The following MYRIP variants were observed in gnomAD, a reference collection of about 807,000 sequenced individuals.
The protein encoded by MYRIP is myosin VIIA and Rab interacting protein, also known as rab effector MyRIP.
In MYRIP, 49 loss-of-function variants were observed where a neutral mutation model predicts 98.0. The ratio of observed to expected loss-of-function variants is 0.50; its 90% CI spans 0.40 to 0.63. The LOEUF is 0.63. MYRIP is among the 30% of genes least tolerant of loss of function. The pLI is 0.00. For missense variants in MYRIP, 1,004 were observed against 1,058.2 expected (o/e 0.95, Z 0.71); for synonymous variants, 404 against 409.5 (o/e 0.99, Z 0.16).
intron 3 of MYRIP, among the ~76,000 whole-genome samples, chr3:40,097,025 T>C (rs1303704013): frequency 6.6e-6 from 1 of 152,204 alleles, no homozygotes; most frequent in Non-Finnish European, 1.5e-5. Context: ...TCTGTTGCCA[T>C]GGAGGCTTTT....
rs548371190 is a variant in MYRIP at position 40,142,720 on chromosome 3, A to G, written c.333-8328A>G. Among the ~76,000 whole-genome samples, 3 of 152,260 alleles carry G rather than the reference A, an allele frequency of 2.0e-5. No individual in the cohort carries two copies. The South Asian group carries it at 6.2e-4, about 32-fold the overall frequency. On this transcript the variant is annotated intron_variant, in intron 3 of 16. Transcript: ENST00000302541. Reference sequence around the variant, plus strand: ...GCAATCTGACTGTCTCAGCCTCCCAAACTGCTGGGATTATAGGTGTGAGCT... The same window carrying G: ...GCAATCTGACTGTCTCAGCCTCCCAGACTGCTGGGATTATAGGTGTGAGCT...
chr3:39,891,691 A>G (rs1943492099), intron 1 of MYRIP, among the ~76,000 whole-genome samples: 2 of 152,148 alleles, frequency 1.3e-5, no homozygotes, highest in African/African-American at 4.8e-5. Context: ...ATTTCCCTAC[A>G]TCTTTGCTAC....
At chr3:40,205,336 A>T (rs2693474) in intron 10 of MYRIP, among the ~76,000 whole-genome samples, 69,575 of 152,046 alleles carry the variant, frequency 0.46, 16,826 homozygotes, top group Non-Finnish European at 0.55. Context: ...GAGTGAACTG[A>T]TCAATGATCT....
chr3:40,244,346 C>T, intron 12 of MYRIP, 100 bp from the exon 13 acceptor site: 1 of 1,036,936 alleles, frequency 9.6e-7, no homozygotes, highest in Non-Finnish European at 1.4e-6. Flanking sequence ...ATGTGAAGTC[C>T]AGTTATCTCA....
chr3:39,829,482 T>C (rs1401000398), intron 1 of MYRIP, among the ~76,000 whole-genome samples: 2 of 152,176 alleles, frequency 1.3e-5, no homozygotes, highest in Non-Finnish European at 2.9e-5. Flanking sequence ...TTCTGTTTTT[T>C]CACTTGTAGT....
chr3:40,015,012 A>G (rs1160610884), intron 2 of MYRIP, among the ~76,000 whole-genome samples: 2 of 152,118 alleles, frequency 1.3e-5, no homozygotes. Context: ...GTGATCTTTT[A>G]GCAAAGTCCA....
At chr3:39,981,159 C>A (rs934194107) in intron 2 of MYRIP, among the ~76,000 whole-genome samples, 3 of 152,162 alleles carry the variant, frequency 2.0e-5, no homozygotes, top group Non-Finnish European at 2.9e-5. Context: ...AAACCTCTTG[C>A]CTTTACCAAA....
intron 13 of MYRIP, among the ~76,000 whole-genome samples, chr3:40,244,903 C>T (rs1953140899): frequency 1.3e-5 from 2 of 152,176 alleles, no homozygotes; most frequent in Non-Finnish European, 2.9e-5. Context: ...TACAGGTTTC[C>T]ATTCCACTCC....
chr3:40,233,489 A>C (rs1472584535), intron 11 of MYRIP, among the ~76,000 whole-genome samples: 1 of 152,176 alleles, frequency 6.6e-6, no homozygotes, highest in Non-Finnish European at 1.5e-5. Context: ...ACTGGACCAC[A>C]CTTCAGTCTG....
At chr3:39,990,995 G>A (rs1367100362) in intron 2 of MYRIP, among the ~76,000 whole-genome samples, 2 of 152,130 alleles carry the variant, frequency 1.3e-5, no homozygotes, top group African/African-American at 2.4e-5. Context: ...ACTGGGGCCT[G>A]TCGGGGAGTG....
At chr3:39,977,325 A>T (rs200959178) in intron 2 of MYRIP, among the ~76,000 whole-genome samples, 1 of 152,142 alleles carries the variant, frequency 6.6e-6, no homozygotes, top group Non-Finnish European at 1.5e-5. Flanking sequence ...CTCAGAGCAG[A>T]TCTCTTGGGA....
intron 1 of MYRIP, among the ~76,000 whole-genome samples, chr3:39,840,239 A>G (rs1463477581): frequency 6.6e-6 from 1 of 151,964 alleles, no homozygotes; most frequent in African/African-American, 2.4e-5. Flanking sequence ...TTTCCTTGTC[A>G]TTTTTGATCT....
chr3:40,236,961 G>A (rs1041821718), intron 12 of MYRIP, among the ~76,000 whole-genome samples: 4 of 152,030 alleles, frequency 2.6e-5, no homozygotes, highest in Non-Finnish European at 5.9e-5. Context: ...TTACAGACAT[G>A]AGCCATTATG....
At chr3:39,852,766 TTC>T in intron 1 of MYRIP, among the ~76,000 whole-genome samples, 1 of 140,432 alleles carries the variant, frequency 7.1e-6, no homozygotes, top group East Asian at 2.3e-4. Context: ...TGTTCTCCTC[TTC>T]TCTTCTCTTC....
At chr3:40,134,911 G>C (rs1949730209) in intron 3 of MYRIP, among the ~76,000 whole-genome samples, 1 of 152,124 alleles carries the variant, frequency 6.6e-6, no homozygotes, top group Non-Finnish European at 1.5e-5. Context: ...ACGAAATGTA[G>C]ATAAAACCAC....
chr3:40,202,818 G>A (rs1365456179), intron 10 of MYRIP, among the ~76,000 whole-genome samples: 1 of 152,082 alleles, frequency 6.6e-6, no homozygotes, highest in Non-Finnish European at 1.5e-5. Flanking sequence ...CCTGTAGAGT[G>A]TGCACCCAAA....
chr3:39,811,099 G>A (rs1940671567), intron 1 of MYRIP, among the ~76,000 whole-genome samples: 1 of 152,106 alleles, frequency 6.6e-6, no homozygotes, highest in African/African-American at 2.4e-5. Flanking sequence ...GGCCGCCTGT[G>A]GTGTTGTGGG....
rs552655913 is a variant in MYRIP, at chr3:39,857,081, T to C, written c.-30-43706T>C. Among the ~76,000 whole-genome samples the C allele has an allele frequency of 7.7e-4, 117 of 152,042 alleles. No homozygotes were observed. In the Middle Eastern group the frequency reaches 0.01, roughly 13 times the overall value. On this transcript the variant is annotated intron_variant, in intron 1 of 16. Transcript: ENST00000302541. ...TAAAGAAATTATCCAGGCATGGTGG[T>C]GTATGCCTATAGTCCCAGCTACTTG...
At chr3:40,013,281 A>G (rs557681119) in intron 2 of MYRIP, among the ~76,000 whole-genome samples, 2 of 152,234 alleles carry the variant, frequency 1.3e-5, no homozygotes, top group African/African-American at 4.8e-5. Flanking sequence ...GAACCTTAAC[A>G]GTACCTTGCT....
Sources: allele counts gnomAD v4.1 joint callset (sites outside exome capture counted in the v4.1 genomes callset), GRCh38; gene constraint gnomAD v4.1.1; transcripts MANE v1.5; gene names NCBI Gene and HGNC (gene_info 2026-07-23, HGNC 2026-07-21).